The following UCK2 variants were observed in gnomAD, a reference collection of about 807,000 sequenced individuals.
UCK2 encodes cytidine monophosphokinase 2.
Under a neutral mutation model 30.8 loss-of-function variants are expected in UCK2, and 6 were observed. That is an observed-to-expected ratio of 0.19 (90% CI 0.11 to 0.38). The LOEUF is 0.38. UCK2 is among the 10% of genes least tolerant of loss of function. The pLI, the probability that UCK2 is intolerant of heterozygous loss-of-function variation, is 1.00. For synonymous variants in UCK2, 125 were observed against 133.6 expected, an observed-to-expected ratio of 0.94 and a Z score of 0.45; for missense variants, 210 against 339.8, an observed-to-expected ratio of 0.62 and a Z score of 3.00.
intron 1 of UCK2, among the ~76,000 whole-genome samples, chr1:165,868,020 G>A (rs1428676045): frequency 6.6e-6 from 1 of 152,196 alleles, no homozygotes; most frequent in Non-Finnish European, 1.5e-5. Flanking sequence ...GGCTGCAGAA[G>A]GGATGTTGTG....
chr1:165,906,005 G>T (rs1647645483), intron 6 of UCK2, 36 bp downstream of exon 6: 1 of 1,598,202 alleles, frequency 6.3e-7, no homozygotes, highest in South Asian at 1.1e-5. Flanking sequence ...GGAGTATAAT[G>T]TCTGCCCTTT....
At chr1:165,861,921 G>A (rs970171607) in intron 1 of UCK2, among the ~76,000 whole-genome samples, 6 of 152,154 alleles carry the variant, frequency 3.9e-5, no homozygotes, top group African/African-American at 1.4e-4. Flanking sequence ...AGCAAATTAT[G>A]TTATCATTTT....
intron 1 of UCK2, among the ~76,000 whole-genome samples, chr1:165,848,615 A>G (rs551057800): frequency 1.3e-5 from 2 of 152,102 alleles, no homozygotes; most frequent in Admixed American, 6.5e-5. Flanking sequence ...CCTGGATGAC[A>G]GAGCAAGACT....
At chr1:165,853,317 A>G (rs766119019) in intron 1 of UCK2, among the ~76,000 whole-genome samples, 14 of 152,020 alleles carry the variant, frequency 9.2e-5, no homozygotes, top group Non-Finnish European at 1.5e-4. Flanking sequence ...ATATTTCCCT[A>G]TTGCATTTCC....
chr1:165,881,182 TAA>T (rs56886913), intron 1 of UCK2, among the ~76,000 whole-genome samples: 484 of 92,830 alleles, frequency 5.2e-3, no homozygotes, highest in Middle Eastern at 6.9e-3. Flanking sequence ...CAATAAAACT[TAA>T]AAAAAAAAAA....
At chr1:165,866,503 A>G (rs1037506479) in intron 1 of UCK2, among the ~76,000 whole-genome samples, 3 of 152,204 alleles carry the variant, frequency 2.0e-5, no homozygotes, top group African/African-American at 7.2e-5. Flanking sequence ...GAATAATAAT[A>G]TAAATAGATA....
At chr1:165,880,800 C>T (rs142549734) in intron 1 of UCK2, among the ~76,000 whole-genome samples, 1 of 152,232 alleles carries the variant, frequency 6.6e-6, no homozygotes, top group African/African-American at 2.4e-5. Context: ...TTGGTGGTAG[C>T]TGTTAACCAG....
intron 1 of UCK2, among the ~76,000 whole-genome samples, chr1:165,868,527 A>T (rs1197940816): frequency 1.3e-5 from 2 of 152,238 alleles, no homozygotes; most frequent in African/African-American, 2.4e-5. Context: ...CTACATCAGC[A>T]CTTGCCGCTT....
In UCK2 at chr1:165,907,985, C is replaced by T. The variant is rs749263145; in HGVS notation, c.*162C>T. The T allele has an allele frequency of 2.6e-5, 27 of 1,050,480 alleles. No homozygotes were observed. Among genetic ancestry groups the T allele is most frequent in the Admixed American group, 1.4e-4 (4 of 28,960 alleles). The allele number at this position is 1,050,480 out of a possible 1,614,324, so 65.1% of individuals were successfully genotyped here. A position where few individuals can be genotyped will look rare whatever the true frequency, so the allele number is the denominator to read the frequency against. ...TTTTTTTTCTTTTTGTACTTTGGAA[C>T]GACAAAATGAAACAGAACTTGACCC... On this transcript the variant is annotated 3_prime_UTR_variant, in exon 7 of 7. Coordinates refer to ENST00000367879, the MANE Select transcript of UCK2 (RefSeq NM_012474.5).
At chr1:165,884,900 G>T (rs1335456812) in intron 1 of UCK2, among the ~76,000 whole-genome samples, 1 of 152,170 alleles carries the variant, frequency 6.6e-6, no homozygotes, top group Non-Finnish European at 1.5e-5. Flanking sequence ...GGAGTTCATT[G>T]TTCAGCATGT....
chr1:165,890,168 T>C, intron 1 of UCK2, 36 bp from the exon 2 acceptor site: 1 of 1,611,752 alleles, frequency 6.2e-7, no homozygotes, highest in Non-Finnish European at 8.5e-7. Context: ...ACGTGCCCTT[T>C]CTCTTATTCC....
At chr1:165,906,504 C>A (rs1422368926) in intron 6 of UCK2, among the ~76,000 whole-genome samples, 1 of 152,328 alleles carries the variant, frequency 6.6e-6, no homozygotes, top group East Asian at 1.9e-4. Flanking sequence ...GTAGCTGGGA[C>A]TACAGGCTTG....
At chr1:165,879,406 A>C (rs1286717922) in intron 1 of UCK2, among the ~76,000 whole-genome samples, 1 of 152,120 alleles carries the variant, frequency 6.6e-6, no homozygotes, top group Non-Finnish European at 1.5e-5. Context: ...CCTCCACTGA[A>C]TTGCATTTGC....
At chr1:165,852,770 G>A (rs1654629386) in intron 1 of UCK2, among the ~76,000 whole-genome samples, 1 of 152,220 alleles carries the variant, frequency 6.6e-6, no homozygotes, top group African/African-American at 2.4e-5. Context: ...GACAGGAGGT[G>A]TCTTGTTATT....
chr1:165,905,827 T>C, intron 5 of UCK2, 94 bp from the exon 6 acceptor site: 5 of 1,178,630 alleles, frequency 4.2e-6, no homozygotes, highest in Non-Finnish European at 6.3e-6. Context: ...CTCGCTAGTA[T>C]GAATGCTGCC....
intron 1 of UCK2, among the ~76,000 whole-genome samples, chr1:165,861,356 C>T (rs1268444282): frequency 2.0e-5 from 3 of 152,056 alleles, no homozygotes; most frequent in Admixed American, 6.5e-5. Flanking sequence ...CGGCCGGGCG[C>T]GGTGGCTCAC....
Position 165,907,877 on chromosome 1 carries a change from G to T in UCK2, c.*54G>T, listed in dbSNP as rs1046099223. On this transcript the variant is annotated 3_prime_UTR_variant, in exon 7 of 7. Coordinates refer to ENST00000367879, the MANE Select transcript of UCK2 (RefSeq NM_012474.5). Reference sequence around the variant, plus strand: ...CTCCAAGAGACAGAGGAGGGGTCAGGAGGCACTGCTCATCTGTACATACTG... The same window carrying T: ...CTCCAAGAGACAGAGGAGGGGTCAGTAGGCACTGCTCATCTGTACATACTG... 6.2e-7 allele frequency: 1 copy of T among 1,602,050 alleles called. No individual in the cohort carries two copies. The highest frequency in any genetic ancestry group is 8.5e-7 in the Non-Finnish European group (1 of 1,173,020).
intron 1 of UCK2, among the ~76,000 whole-genome samples, chr1:165,842,590 T>C (rs982588910): frequency 2.0e-5 from 3 of 152,210 alleles, no homozygotes; most frequent in African/African-American, 7.2e-5. Flanking sequence ...TGAATTTCTC[T>C]TGAAATAATT....
chr1:165,853,293 G>GT (rs1654643598), intron 1 of UCK2, among the ~76,000 whole-genome samples: 1 of 152,058 alleles, frequency 6.6e-6, no homozygotes, highest in Non-Finnish European at 1.5e-5. Context: ...TATTTGCAAA[G>GT]TGAAAGGAGA....
Sources: allele counts gnomAD v4.1 joint callset (sites outside exome capture counted in the v4.1 genomes callset), GRCh38; gene constraint gnomAD v4.1.1; transcripts MANE v1.5; gene names NCBI Gene and HGNC (gene_info 2026-07-23, HGNC 2026-07-21).